The following EXOSC9 variants were observed in gnomAD, a reference collection of about 807,000 sequenced individuals.
The protein encoded by EXOSC9 is exosome component 9.
EXOSC9 carries 38 observed loss-of-function variants against 56.5 expected under a neutral mutation model. The ratio of observed to expected loss-of-function variants is 0.67; its 90% CI spans 0.52 to 0.88. The LOEUF (loss-of-function observed/expected upper bound fraction) is 0.88, where lower values mean the gene tolerates loss of function less well. Ranked by LOEUF, EXOSC9 falls within the 40% of genes least tolerant of loss-of-function variation. The pLI, the probability that EXOSC9 is intolerant of heterozygous loss-of-function variation, is 0.00. For missense variants in EXOSC9, 559 were observed against 530.5 expected (o/e 1.05, Z -0.53); for synonymous variants, 170 against 170.8 (o/e 0.99, Z 0.04).
chr4:121,801,384 C>T lies in EXOSC9; in HGVS notation c.-41C>T, dbSNP rs1726854080. 5 of 1,596,712 alleles carry T rather than the reference C, an allele frequency of 3.1e-6. No homozygotes were observed. The Middle Eastern group carries it at 6.6e-4, about 211-fold the overall frequency. On this transcript the variant is annotated 5_prime_UTR_variant, in exon 1 of 12. Coordinates refer to ENST00000243498, the MANE Select transcript of EXOSC9 (RefSeq NM_005033.3). Reference sequence around the variant, plus strand: ...CAAGGAAAGATCGGGTTCCGTTTTTCCCGCGGATTCTGGTGCCTGTGGGGC... The same window carrying T: ...CAAGGAAAGATCGGGTTCCGTTTTTTCCGCGGATTCTGGTGCCTGTGGGGC...
In EXOSC9 at chr4:121,802,762, C is replaced by T. The variant is rs1276715935; in HGVS notation, c.250C>T (p.Gln84Ter). 3.7e-6 allele frequency: 6 copies of T among 1,613,998 alleles called. No individual in the cohort carries two copies. The highest frequency in any genetic ancestry group is 1.3e-5 in the African/African-American group (1 of 74,904). ...GILFFNLELS[Q>*]MAAPAFEPGR... Reference sequence around the variant, plus strand: ...TCTTTTTTTTAACCTTGAACTCTCTCAGATGGCCGCTCCAGCTTTCGAACC... The same window carrying T: ...TCTTTTTTTTAACCTTGAACTCTCTTAGATGGCCGCTCCAGCTTTCGAACC... Residue 84 changes from glutamine to a stop codon, truncating the protein, a stop_gained, in exon 3 of 12, where the codon CAG becomes TAG. Coordinates refer to ENST00000243498, the MANE Select transcript of EXOSC9 (RefSeq NM_005033.3). LOFTEE classifies it high-confidence loss of function.
intron 5 of EXOSC9, among the ~76,000 whole-genome samples, chr4:121,805,007 A>G (rs572740940): frequency 5.9e-5 from 9 of 152,356 alleles, no homozygotes; most frequent in Non-Finnish European, 4.4e-5. Flanking sequence ...TTAGATGACT[A>G]TTTTGGATTG....
At position 121,816,962 on chromosome 4, in the gene EXOSC9, G is replaced by T; in HGVS notation, c.*106G>T. The T allele has an allele frequency of 3.6e-6, 4 of 1,125,322 alleles. No homozygotes were observed. Among genetic ancestry groups the T allele is most frequent in the South Asian group, 2.1e-5 (1 of 46,616 alleles). The allele number at this position is 1,125,322 out of a possible 1,614,324, so 69.7% of individuals were successfully genotyped here. ...CACAAATCCATTATAAAATCTAGCA[G>T]GATTTTAAAAATAGTTTTTTGTTTT... On this transcript the variant is annotated 3_prime_UTR_variant, in exon 12 of 12. Transcript: ENST00000243498.
intron 9 of EXOSC9, 176 bp from the exon 10 acceptor site, chr4:121,813,690 G>GT (rs1286568445): frequency 2.4e-5 from 13 of 531,072 alleles, no homozygotes; most frequent in South Asian, 7.0e-5. Context: ...TCTTGCCTGA[G>GT]TTTTTTTTCT....
chr4:121,808,522 G>C (rs1727111978), intron 6 of EXOSC9, among the ~76,000 whole-genome samples: 1 of 151,954 alleles, frequency 6.6e-6, no homozygotes, highest in South Asian at 2.1e-4. Context: ...ACCATGCCTA[G>C]CTAATTTTTG....
At chr4:121,801,733 TC>T in intron 1 of EXOSC9, 93 bp from the exon 2 acceptor site, 3 of 1,090,546 alleles carry the variant, frequency 2.8e-6, no homozygotes, top group Non-Finnish European at 4.2e-6. Flanking sequence ...GATTCCACTT[TC>T]CCCCAAGTGC....
chr4:121,814,715 TGTGGCTA>T (rs1262784995), intron 10 of EXOSC9: 1 of 152,208 alleles, frequency 6.6e-6, no homozygotes, highest in Non-Finnish European at 1.5e-5. Context: ...AGCAGCCACA[TGTGGCTA>T]GTGGCTACCA....
In EXOSC9 at chr4:121,811,069, C is replaced by T. The variant is rs543131968; in HGVS notation, c.739-514C>T. On this transcript the variant is annotated intron_variant, in intron 7 of 11. Coordinates refer to ENST00000243498, the MANE Select transcript of EXOSC9 (RefSeq NM_005033.3). ...TTTAGTTTGAATTCTAGTTCTGCCC[C>T]CATACTAGCTGATCTTGGGCAAATG... 5.3e-5 allele frequency among the ~76,000 whole-genome samples: 8 copies of T among 152,232 alleles called. No individual in the cohort carries two copies. In the East Asian group the frequency reaches 1.5e-3, roughly 29 times the overall value.
intron 2 of EXOSC9, 96 bp from the exon 3 acceptor site, chr4:121,802,578 T>A: frequency 8.9e-7 from 1 of 1,118,626 alleles, no homozygotes; most frequent in South Asian, 1.4e-5. Context: ...GAGTATGATA[T>A]TACTCACATT....
At chr4:121,808,095 C>A (rs546428246) in intron 6 of EXOSC9, among the ~76,000 whole-genome samples, 3 of 152,124 alleles carry the variant, frequency 2.0e-5, no homozygotes, top group African/African-American at 7.2e-5. Context: ...AGTTTTCCAG[C>A]GTTTTCATTA....
Position 121,807,504 on chromosome 4 carries a change from GTGACTATAATTATTAAA to G in EXOSC9, c.523-35_523-19del, listed in dbSNP as rs533338101. 9.0e-4 allele frequency: 1,178 copies of G among 1,301,890 alleles called. 2 individuals are homozygous for G. Among genetic ancestry groups the G allele is most frequent in the African/African-American group, 8.0e-3 (545 of 68,452 alleles). The allele number at this position is 1,301,890 out of a possible 1,614,324, so 80.6% of individuals were successfully genotyped here. A position where few individuals can be genotyped will look rare whatever the true frequency, so the allele number is the denominator to read the frequency against. ...GATTTTTTTGGATGTTCATAACTTA[GTGACTATAATTATTAAA>G]CATTTTCTTTTGAAACAGTATACAC... On this transcript the variant is annotated intron_variant, in intron 5 of 11. Transcript: ENST00000243498.
rs531692197 is a variant in EXOSC9 at position 121,805,964 on chromosome 4, T to G, written c.522+1205T>G. Among the ~76,000 whole-genome samples, 453 of 151,448 alleles carry G rather than the reference T, an allele frequency of 3.0e-3. 3 individuals carry two copies. The highest frequency in any genetic ancestry group is 2.7e-3 in the Non-Finnish European group (182 of 67,838). On this transcript the variant is annotated intron_variant, in intron 5 of 11. Transcript: ENST00000243498. ...GGGACTACAGGTATGTGCCACCCAC[T>G]TGACTAATTTTTGTATTTTTTGTAG...
intron 6 of EXOSC9, among the ~76,000 whole-genome samples, chr4:121,809,247 A>G (rs1727136223): frequency 6.6e-6 from 1 of 151,742 alleles, no homozygotes; most frequent in African/African-American, 2.4e-5. Context: ...CTGACCTCCC[A>G]AAGTGCTGGG....
At chr4:121,807,697 G>T in intron 6 of EXOSC9, 75 bp downstream of exon 6, 1 of 892,768 alleles carries the variant, frequency 1.1e-6, no homozygotes, top group South Asian at 1.3e-5. Flanking sequence ...AGTATGTCAT[G>T]TTAATATTAA....
chr4:121,807,300 A>T (rs1727051246), intron 5 of EXOSC9, among the ~76,000 whole-genome samples: 1 of 152,172 alleles, frequency 6.6e-6, no homozygotes. Flanking sequence ...CCAAAAAAAA[A>T]AGTGGATTTT....
intron 8 of EXOSC9, 47 bp downstream of exon 8, chr4:121,811,718 A>T (rs756728522): frequency 6.2e-6 from 6 of 967,764 alleles, no homozygotes; most frequent in Non-Finnish European, 9.1e-6. Context: ...TTCATTTTTT[A>T]AATTTTTATT....
intron 6 of EXOSC9, among the ~76,000 whole-genome samples, chr4:121,808,796 G>C (rs1414768227): frequency 6.7e-6 from 1 of 149,798 alleles, no homozygotes; most frequent in African/African-American, 2.5e-5. Flanking sequence ...TCCTGCCTCA[G>C]CCTCCTGAGT....
intron 8 of EXOSC9, 85 bp downstream of exon 8, chr4:121,811,756 T>C: frequency 1.8e-6 from 1 of 556,764 alleles, no homozygotes; most frequent in Non-Finnish European, 3.0e-6. Context: ...CAAGCTTTAT[T>C]ATGCATGAAC....
Position 121,809,952 on chromosome 4 carries a change from T to A in EXOSC9, c.606-15T>A. The A allele has an allele frequency of 6.2e-7, 1 of 1,614,052 alleles. No individual in the cohort carries two copies. Among genetic ancestry groups the A allele is most frequent in the East Asian group, 2.2e-5 (1 of 44,866 alleles). On this transcript the variant is annotated splice_polypyrimidine_tract_variant and intron_variant, in intron 6 of 11. Coordinates refer to ENST00000243498, the MANE Select transcript of EXOSC9 (RefSeq NM_005033.3). Reference sequence around the variant, plus strand: ...GGTCTCAGATTTGTTCAGGTCCATTTAACATTCATTTCAGAACATATTTAT... The same window carrying A: ...GGTCTCAGATTTGTTCAGGTCCATTAAACATTCATTTCAGAACATATTTAT...
Sources: allele counts gnomAD v4.1 joint callset (sites outside exome capture counted in the v4.1 genomes callset), GRCh38; gene constraint gnomAD v4.1.1; transcripts MANE v1.5; gene names NCBI Gene and HGNC (gene_info 2026-07-23, HGNC 2026-07-21).